SHANK2: variants seen among roughly 807,000 people sequenced by gnomAD.
SHANK2 encodes the protein SH3 and multiple ankyrin repeat domains 2.
SHANK2 carries 43 observed loss-of-function variants against 133.7 expected under a neutral mutation model. The observed-to-expected ratio is 0.32, with a 90% CI of 0.25 to 0.41. The LOEUF (loss-of-function observed/expected upper bound fraction) is 0.41, where lower values mean the gene tolerates loss of function less well. Among genes scored for constraint, SHANK2 ranks in the 10% least tolerant of loss-of-function variants. The probability of loss-of-function intolerance (pLI) is 1.00; values close to 1 mark genes in which losing one functional copy is unlikely to be tolerated. For missense variants in SHANK2, 1,994 were observed against 2,235.8 expected (o/e 0.89, Z 2.18); for synonymous variants, 1,017 against 952.8 (o/e 1.07, Z -1.24).
intron 11 of SHANK2, among the ~76,000 whole-genome samples, chr11:70,853,012 C>A (rs978185429): frequency 8.6e-5 from 13 of 151,756 alleles, no homozygotes; most frequent in African/African-American, 2.9e-4. Context: ...CAGAGCCCCA[C>A]AACCCTGCCC....
intron 21 of SHANK2, chr11:70,497,033 G>C (rs1484415474): frequency 8.8e-6 from 4 of 456,580 alleles, no homozygotes; most frequent in Non-Finnish European, 4.4e-6. Flanking sequence ...TTTTGAACTA[G>C]AGCATGTGAG....
chr11:71,093,663 C>A (rs1438422962), intron 7 of SHANK2, among the ~76,000 whole-genome samples: 1 of 152,208 alleles, frequency 6.6e-6, no homozygotes, highest in African/African-American at 2.4e-5. Flanking sequence ...TGAGGCCTCC[C>A]TGGAAGCAGA....
At chr11:70,684,108 G>A (rs880002604) in intron 15 of SHANK2, among the ~76,000 whole-genome samples, 2 of 152,058 alleles carry the variant, frequency 1.3e-5, no homozygotes, top group Non-Finnish European at 2.9e-5. Flanking sequence ...TTGAATAAAT[G>A]AATGAAAAGA....
chr11:71,155,889 G>C (rs1359696833), intron 2 of SHANK2, among the ~76,000 whole-genome samples: 1 of 152,204 alleles, frequency 6.6e-6, no homozygotes, highest in African/African-American at 2.4e-5. Context: ...CCCGGGGCCT[G>C]GAAAAGTGAC....
At chr11:70,556,801 A>G (rs1194023247) in intron 17 of SHANK2, among the ~76,000 whole-genome samples, 2 of 152,240 alleles carry the variant, frequency 1.3e-5, no homozygotes, top group East Asian at 3.9e-4. Flanking sequence ...CATGTTGACC[A>G]GGCTGGTCTC....
At chr11:70,819,045 C>T (rs782405995) in intron 12 of SHANK2, among the ~76,000 whole-genome samples, 3 of 152,336 alleles carry the variant, frequency 2.0e-5, no homozygotes, top group Middle Eastern at 3.4e-3. Context: ...CAAGACTCCC[C>T]GCAGCCAGGC....
intron 10 of SHANK2, among the ~76,000 whole-genome samples, chr11:70,911,802 C>T (rs1950195339): frequency 5.3e-5 from 8 of 152,012 alleles, no homozygotes; most frequent in Admixed American, 5.2e-4. Flanking sequence ...TGGTCAGTGG[C>T]CAGGCGTGGT....
chr11:70,608,188 C>A (rs782508843), intron 17 of SHANK2, among the ~76,000 whole-genome samples: 2 of 152,180 alleles, frequency 1.3e-5, no homozygotes, highest in African/African-American at 2.4e-5. Context: ...GGTTTTGCCA[C>A]GTAGCCCAGC....
intron 10 of SHANK2, among the ~76,000 whole-genome samples, chr11:70,930,129 G>A (rs1188364356): frequency 6.6e-6 from 1 of 152,212 alleles, no homozygotes; most frequent in Non-Finnish European, 1.5e-5. Flanking sequence ...CGGGCCAAGT[G>A]CAGGACCTAC....
chr11:70,889,237 A>G (rs1450784096), intron 11 of SHANK2, among the ~76,000 whole-genome samples: 1 of 152,164 alleles, frequency 6.6e-6, no homozygotes, highest in Non-Finnish European at 1.5e-5. Context: ...AGATATACAC[A>G]GGGGAAGCCA....
intron 15 of SHANK2, among the ~76,000 whole-genome samples, chr11:70,667,008 C>A (rs974174727): frequency 2.0e-5 from 3 of 152,024 alleles, no homozygotes; most frequent in East Asian, 1.9e-4. Flanking sequence ...GGGTGGGCAA[C>A]CAGCCCCACC....
intron 25 of SHANK2, among the ~76,000 whole-genome samples, chr11:70,481,996 C>G (rs902144342): frequency 1.3e-5 from 2 of 152,238 alleles, no homozygotes; most frequent in Non-Finnish European, 2.9e-5. Flanking sequence ...GACTGCCCCC[C>G]ACTTGTCCTT....
chr11:70,598,917 G>A (rs1463376463), intron 17 of SHANK2, among the ~76,000 whole-genome samples: 2 of 122,604 alleles, frequency 1.6e-5, no homozygotes, highest in African/African-American at 6.5e-5. Context: ...AACCTGATAA[G>A]CTGCATGTCA....
rs1555098811 is a variant in SHANK2, at chr11:71,109,986, G to C, written c.547C>G (p.Leu183Val). 12 of 1,551,714 alleles carry C rather than the reference G, an allele frequency of 7.7e-6. No homozygotes were observed. The highest frequency in any genetic ancestry group is 1.0e-5 in the Non-Finnish European group (12 of 1,146,938). Reference sequence around the variant, plus strand: ...AAATTGGGATCCAGGCCTCGGTCCAGCATCTTGGTGATCTTCTCCACCAAG... The same window carrying C: ...AAATTGGGATCCAGGCCTCGGTCCACCATCTTGGTGATCTTCTCCACCAAG... ...HRLVEKITKM[L>V]DRGLDPNFHD... Residue 183 changes from leucine to valine, a missense_variant, in exon 6 of 26, where the codon CTG becomes GTG. Leu to Val is a conservative substitution (Grantham distance 32, BLOSUM62 1). Coordinates refer to ENST00000601538, the MANE Select transcript of SHANK2 (RefSeq NM_012309.5).
At chr11:70,625,457 C>T (rs563256798) in intron 17 of SHANK2, among the ~76,000 whole-genome samples, 38 of 152,206 alleles carry the variant, frequency 2.5e-4, no homozygotes, top group Admixed American at 2.0e-3. Flanking sequence ...GTCAGACTGT[C>T]CAGCAGTCAA....
At position 71,122,197 on chromosome 11, in the gene SHANK2, G is replaced by A. The variant is rs143130038; in HGVS notation, c.208-3165C>T. ...TGCCACCATAAAGACACATGCACACGTATGTTTACTGCGGCACTATTCACA... is the reference window on the plus strand; with the variant it reads ...TGCCACCATAAAGACACATGCACACATATGTTTACTGCGGCACTATTCACA... On this transcript the variant is annotated intron_variant, in intron 3 of 25. Transcript: ENST00000601538. Among the ~76,000 whole-genome samples, 135 of 152,010 alleles carry A rather than the reference G, an allele frequency of 8.9e-4. 1 individual carries two copies. In the East Asian group the frequency reaches 0.024, roughly 27 times the overall value.
intron 14 of SHANK2, among the ~76,000 whole-genome samples, chr11:70,701,957 CCAT>C (rs2134510355): frequency 6.6e-6 from 1 of 150,486 alleles, no homozygotes; most frequent in South Asian, 2.1e-4. Flanking sequence ...ACCACCACCA[CCAT>C]CACCATAATT....
intron 2 of SHANK2, among the ~76,000 whole-genome samples, chr11:71,207,004 T>C (rs1248456257): frequency 2.6e-5 from 4 of 151,854 alleles, no homozygotes; most frequent in African/African-American, 7.3e-5. Context: ...GAGGATTGCT[T>C]GAGCCCAGGA....
intron 13 of SHANK2, 121 bp from the exon 14 acceptor site, chr11:70,798,677 A>G (rs1296771914): frequency 3.1e-6 from 2 of 651,690 alleles, no homozygotes; most frequent in Non-Finnish European, 5.7e-6. Context: ...AGGCCTGCAG[A>G]GCAAGCGGCT....
Sources: allele counts gnomAD v4.1 joint callset (sites outside exome capture counted in the v4.1 genomes callset), GRCh38; gene constraint gnomAD v4.1.1; transcripts MANE v1.5; gene names NCBI Gene and HGNC (gene_info 2026-07-23, HGNC 2026-07-21).